The following CDCP1 variants were observed in gnomAD, a reference collection of about 807,000 sequenced individuals.
CDCP1 encodes the protein CUB domain containing protein 1, also known as CUB domain-containing protein 1.
Under a neutral mutation model 60.2 loss-of-function variants are expected in CDCP1, and 29 were observed. That is an observed-to-expected ratio of 0.48 (90% CI 0.36 to 0.66). The LOEUF (loss-of-function observed/expected upper bound fraction) is 0.66. Among genes scored for constraint, CDCP1 ranks in the 30% least tolerant of loss-of-function variants. CDCP1 has a pLI of 0.00. For missense variants in CDCP1, 876 were observed against 1,074.3 expected (o/e 0.82, Z 2.58); for synonymous variants, 387 against 431.1 (o/e 0.90, Z 1.27).
chr3:45,102,010 T>C (rs1698491792), intron 4 of CDCP1, among the ~76,000 whole-genome samples: 1 of 152,102 alleles, frequency 6.6e-6, no homozygotes. Flanking sequence ...GTACACACAA[T>C]AAATAGGCTT....
At chr3:45,100,498 G>A (rs1698471736) in intron 4 of CDCP1, among the ~76,000 whole-genome samples, 1 of 152,200 alleles carries the variant, frequency 6.6e-6, no homozygotes, top group African/African-American at 2.4e-5. Flanking sequence ...AATTCTTGAG[G>A]CTTTGCAGGA....
chr3:45,115,701 C>A (rs549227330), intron 2 of CDCP1, among the ~76,000 whole-genome samples: 3 of 151,146 alleles, frequency 2.0e-5, no homozygotes, highest in Admixed American at 2.0e-4. Context: ...CTTAGTATTT[C>A]TTTTTTTTTT....
chr3:45,096,623 C>CAAA (rs5848726), intron 4 of CDCP1, among the ~76,000 whole-genome samples: 67 of 53,118 alleles, frequency 1.3e-3, no homozygotes, highest in Non-Finnish European at 1.5e-3. Flanking sequence ...GACTCCGTCT[C>CAAA]AAAAAAAAAA....
At position 45,117,695 on chromosome 3, in the gene CDCP1, C is replaced by T. The variant is rs545036029; in HGVS notation, c.292+717G>A. Among the ~76,000 whole-genome samples the T allele has an allele frequency of 6.0e-5, 9 of 151,226 alleles. 1 individual carries two copies. In the South Asian group the frequency reaches 1.9e-3, roughly 32 times the overall value. On this transcript the variant is annotated intron_variant, in intron 2 of 8. Coordinates refer to ENST00000296129, the MANE Select transcript of CDCP1 (RefSeq NM_022842.5). ...CACTGCAACTTGTGCCTCCTGAGTTCAAGTGATTTTCCTGCCTTAGCCTCC... is the reference window on the plus strand; with the variant it reads ...CACTGCAACTTGTGCCTCCTGAGTTTAAGTGATTTTCCTGCCTTAGCCTCC...
rs752989056 is a variant in CDCP1 at position 45,095,503 on chromosome 3, C to T, written c.1090G>A (p.Val364Ile). ...AMSLTIEPRP[V>I]KQSRKFVPGC... ...GGGACAAACTTGCGGCTCTGTTTGA[C>T]GGGCCGTGGCTCGATGGTGAGTGAC... is the stretch of plus-strand genomic sequence containing the variant. Residue 364 changes from valine to isoleucine, a missense_variant, in exon 5 of 9, where the codon GTC (valine) becomes ATC (isoleucine). This residue lies in a region of CDCP1 where 726 missense variants were observed against 935.7 expected (regional missense o/e 0.78). Coordinates refer to ENST00000296129, the MANE Select transcript of CDCP1 (RefSeq NM_022842.5). 70 of 1,614,012 alleles carry T rather than the reference C, an allele frequency of 4.3e-5. No homozygotes were observed. The highest frequency in any genetic ancestry group is 2.9e-4 in the East Asian group (13 of 44,892).
In CDCP1 at chr3:45,082,326, T is replaced by C. The variant is rs192109919; in HGVS notation, c.*3312A>G. The C allele has an allele frequency of 6.6e-6, 1 of 152,318 alleles. No individual in the cohort carries two copies. Among genetic ancestry groups the C allele is most frequent in the Non-Finnish European group, 1.5e-5 (1 of 68,048 alleles). The allele number at this position is 152,318 out of a possible 1,614,324, so 9.4% of individuals were successfully genotyped here. Reference sequence around the variant, plus strand: ...TTTATTTCCGGACAAAAACATCTGCTTCACACAGTGCACGGCATCAAATGA... The same window carrying C: ...TTTATTTCCGGACAAAAACATCTGCCTCACACAGTGCACGGCATCAAATGA... On this transcript the variant is annotated 3_prime_UTR_variant, in exon 9 of 9. Transcript: ENST00000296129.
At chr3:45,097,081 G>T (rs899822888) in intron 4 of CDCP1, among the ~76,000 whole-genome samples, 5 of 152,170 alleles carry the variant, frequency 3.3e-5, no homozygotes, top group African/African-American at 1.2e-4. Context: ...GCTGAGGCGG[G>T]TGGATCACTT....
intron 1 of CDCP1, among the ~76,000 whole-genome samples, chr3:45,132,688 ACAT>A (rs1346671521): frequency 6.6e-6 from 1 of 152,238 alleles, no homozygotes; most frequent in Non-Finnish European, 1.5e-5. Context: ...TTGGCTAAAA[ACAT>A]CAACTGTGCA....
chr3:45,112,871 G>A (rs923716902), intron 2 of CDCP1, among the ~76,000 whole-genome samples: 2 of 152,236 alleles, frequency 1.3e-5, no homozygotes, highest in Non-Finnish European at 2.9e-5. Context: ...AACCGCATCT[G>A]CATTCAGCTA....
At chr3:45,113,064 T>C (rs1698726584) in intron 2 of CDCP1, among the ~76,000 whole-genome samples, 1 of 152,358 alleles carries the variant, frequency 6.6e-6, no homozygotes, top group South Asian at 2.1e-4. Context: ...AAGGCATTTG[T>C]AGCAGAGTCT....
chr3:45,120,667 C>G (rs1698866915), intron 1 of CDCP1, among the ~76,000 whole-genome samples: 1 of 152,158 alleles, frequency 6.6e-6, no homozygotes, highest in Non-Finnish European at 1.5e-5. Flanking sequence ...TGGGGCAAAA[C>G]TTCTTGTCTT....
At chr3:45,110,923 T>C in intron 3 of CDCP1, 82 bp from the exon 4 acceptor site, 1 of 1,485,872 alleles carries the variant, frequency 6.7e-7, no homozygotes, top group Non-Finnish European at 9.0e-7. Context: ...GGGGTGGGGG[T>C]GTAGGAAAAA....
intron 1 of CDCP1, among the ~76,000 whole-genome samples, chr3:45,122,323 T>C (rs1009717415): frequency 6.6e-6 from 1 of 151,438 alleles, no homozygotes; most frequent in Non-Finnish European, 1.5e-5. Flanking sequence ...TTTGTATTTT[T>C]AGTAGAGCTG....
At chr3:45,143,198 C>A (rs1228523482) in intron 1 of CDCP1, among the ~76,000 whole-genome samples, 1 of 152,120 alleles carries the variant, frequency 6.6e-6, no homozygotes, top group East Asian at 1.9e-4. Context: ...GAGTGAAACT[C>A]TGTCTCAAAA....
intron 1 of CDCP1, among the ~76,000 whole-genome samples, chr3:45,142,941 G>A (rs1231997863): frequency 3.3e-5 from 5 of 152,324 alleles, no homozygotes; most frequent in East Asian, 1.9e-4. Context: ...GGTGGCTCAC[G>A]CCTGTAATCC....
chr3:45,101,652 C>A (rs1056706488), intron 4 of CDCP1, among the ~76,000 whole-genome samples: 1 of 152,080 alleles, frequency 6.6e-6, no homozygotes, highest in Non-Finnish European at 1.5e-5. Context: ...TTTGGGAGGC[C>A]GAGGTGGGCA....
chr3:45,137,783 G>T (rs1288410277), intron 1 of CDCP1, among the ~76,000 whole-genome samples: 1 of 145,840 alleles, frequency 6.9e-6, no homozygotes, highest in Non-Finnish European at 1.5e-5. Flanking sequence ...TCATGCCACT[G>T]CACTCCAGCC....
chr3:45,140,927 G>A (rs184773726), intron 1 of CDCP1, among the ~76,000 whole-genome samples: 23 of 152,304 alleles, frequency 1.5e-4, no homozygotes, highest in East Asian at 1.2e-3. Flanking sequence ...CTGGCTGGGC[G>A]TGGTGGCTCA....
intron 7 of CDCP1, among the ~76,000 whole-genome samples, chr3:45,090,248 C>T (rs1698271667): frequency 6.6e-6 from 1 of 152,184 alleles, no homozygotes; most frequent in South Asian, 2.1e-4. Flanking sequence ...CCTTCTGATT[C>T]TGACACTGTG....
Sources: gnomAD v4.1 joint callset for allele counts (sites outside exome capture counted in the v4.1 genomes callset) on GRCh38, gnomAD v4.1.1 for gene constraint, gnomAD v4.1.1 regional missense constraint, MANE v1.5 for transcripts, NCBI Gene and HGNC (gene_info 2026-07-23, HGNC 2026-07-21) for gene names.